The following CATSPER4 variants were observed in gnomAD, a reference collection of about 807,000 sequenced individuals.
CATSPER4 encodes the protein cation channel sperm-associated protein 4.
Under a neutral mutation model 54.4 loss-of-function variants are expected in CATSPER4, and 46 were observed. The ratio of observed to expected loss-of-function variants is 0.84; its 90% CI spans 0.67 to 1.08. The LOEUF (loss-of-function observed/expected upper bound fraction) is 1.08, where lower values mean the gene tolerates loss of function less well. Among genes scored for constraint, CATSPER4 ranks in the 50% least tolerant of loss-of-function variants. The pLI, the probability that CATSPER4 is intolerant of heterozygous loss-of-function variation, is 0.00. For synonymous variants in CATSPER4, 230 were observed against 231.9 expected, an observed-to-expected ratio of 0.99 and a Z score of 0.08; for missense variants, 574 against 612.8, an observed-to-expected ratio of 0.94 and a Z score of 0.67.
chr1:26,201,318 A>C (rs1889755), intron 8 of CATSPER4, 36 bp from the exon 9 acceptor site: 402,258 of 1,608,626 alleles, frequency 0.25, 52,819 homozygotes, highest in African/African-American at 0.38. Context: ...CCCTCCCCTG[A>C]GGCCTTCTGA....
chr1:26,192,015 T>C (rs2088874733), intron 2 of CATSPER4, among the ~76,000 whole-genome samples: 1 of 150,996 alleles, frequency 6.6e-6, no homozygotes, highest in Admixed American at 6.6e-5. Context: ...CACGTAGGAG[T>C]TGGCCAGGCA....
Position 26,193,904 on chromosome 1 carries a change from C to A in CATSPER4, c.459+16C>A. On this transcript the variant is annotated intron_variant, in intron 3 of 9. Transcript: ENST00000456354. ...TTTCTGGAAGGTGAGATCCTGAGCCCTTTGCCCCTACTTCCCCCTGGGGAC... is the reference window on the plus strand; with the variant it reads ...TTTCTGGAAGGTGAGATCCTGAGCCATTTGCCCCTACTTCCCCCTGGGGAC... 6.3e-7 allele frequency: 1 copy of A among 1,587,792 alleles called. No homozygotes were observed. The highest frequency in any genetic ancestry group is 8.7e-7 in the Non-Finnish European group (1 of 1,155,840).
intron 2 of CATSPER4, 126 bp downstream of exon 2, chr1:26,191,556 G>A (rs547813971): frequency 9.1e-7 from 1 of 1,094,966 alleles, no homozygotes; most frequent in East Asian, 2.6e-5. Context: ...GGGTCTGTCA[G>A]CTCTGACCTT....
rs917924209 is a variant in CATSPER4, at chr1:26,201,302, C to T, written c.1200-52C>T. Reference sequence around the variant, plus strand: ...TGACGCCAGGGAAGAGGTGGGAGGGCTGCTTCCCTCCCCTGAGGCCTTCTG... The same window carrying T: ...TGACGCCAGGGAAGAGGTGGGAGGGTTGCTTCCCTCCCCTGAGGCCTTCTG... On this transcript the variant is annotated intron_variant, in intron 8 of 9. Transcript: ENST00000456354. The T allele has an allele frequency of 6.3e-6, 10 of 1,575,518 alleles. No individual in the cohort carries two copies. The African/African-American group carries it at 1.1e-4, about 17-fold the overall frequency.
intron 1 of CATSPER4, among the ~76,000 whole-genome samples, 157 bp from the exon 2 acceptor site, chr1:26,191,130 T>C (rs1400006505): frequency 2.6e-5 from 4 of 152,000 alleles, no homozygotes; most frequent in Non-Finnish European, 5.9e-5. Context: ...ATTTAGATAG[T>C]GATCTCTACA....
intron 2 of CATSPER4, among the ~76,000 whole-genome samples, chr1:26,192,008 G>A (rs115927869): frequency 1.3e-5 from 2 of 151,736 alleles, no homozygotes; most frequent in East Asian, 1.9e-4. Context: ...AAAAGAGCAC[G>A]TAGGAGTTGG....
At chr1:26,191,847 G>A (rs940564548) in intron 2 of CATSPER4, among the ~76,000 whole-genome samples, 1 of 152,170 alleles carries the variant, frequency 6.6e-6, no homozygotes, top group African/African-American at 2.4e-5. Context: ...CATTACAAGT[G>A]CTCAAGTAGC....
intron 6 of CATSPER4, 34 bp downstream of exon 6, chr1:26,198,453 C>A (rs747592188): frequency 7.4e-6 from 12 of 1,613,356 alleles, no homozygotes; most frequent in East Asian, 2.2e-5. Flanking sequence ...CCTCATCCCA[C>A]CTATGGGGCA....
At chr1:26,200,707 C>G in intron 7 of CATSPER4, 123 bp from the exon 8 acceptor site, 1 of 762,476 alleles carries the variant, frequency 1.3e-6, no homozygotes, top group Non-Finnish European at 2.3e-6. Context: ...TTGGTGAGAG[C>G]TGAAATGAGG....
intron 7 of CATSPER4, among the ~76,000 whole-genome samples, chr1:26,200,355 A>G (rs1169908944): frequency 1.3e-5 from 2 of 152,204 alleles, no homozygotes; most frequent in Non-Finnish European, 2.9e-5. Context: ...TGGGAATAAT[A>G]ATAGTACTTA....
chr1:26,191,148 C>A, intron 1 of CATSPER4, 139 bp from the exon 2 acceptor site: 1 of 985,084 alleles, frequency 1.0e-6, no homozygotes, highest in Non-Finnish European at 1.6e-6. Context: ...ACACTGATGT[C>A]TCCATTCCAT....
chr1:26,201,221 A>G, intron 8 of CATSPER4, 133 bp from the exon 9 acceptor site: 1 of 1,059,834 alleles, frequency 9.4e-7, no homozygotes, highest in Non-Finnish European at 1.4e-6. Flanking sequence ...ATCTCACACA[A>G]GGGCACAGCT....
intron 3 of CATSPER4, among the ~76,000 whole-genome samples, chr1:26,195,292 G>A (rs2088923820): frequency 6.6e-6 from 1 of 152,080 alleles, no homozygotes; most frequent in Admixed American, 6.6e-5. Flanking sequence ...ACCCGAGGTT[G>A]AATAACTTAT....
rs1268072653 is a variant in CATSPER4, at chr1:26,191,325, C to T, written c.252C>T (p.Tyr84=). 6.2e-7 allele frequency: 1 copy of T among 1,614,180 alleles called. No individual in the cohort carries two copies. Among genetic ancestry groups the T allele is most frequent in the African/African-American group, 1.3e-5 (1 of 75,046 alleles). The change falls in exon 2 of 10, where the codon TAC becomes TAT. Residue 84 remains tyrosine (Y), a synonymous_variant. Transcript: ENST00000456354. ...WDMQEFITHM[Y]IKQLLRHPAF... The stretch of plus-strand genomic sequence containing the variant: ...TGCAGGAGTTCATCACTCACATGTA[C>T]ATCAAGCAGCTGCTCCGACACCCCG...
Position 26,199,967 on chromosome 1 carries a change from T to A in CATSPER4, c.896T>A (p.Ile299Asn), listed in dbSNP as rs140858384. 1,156 of 1,614,200 alleles carry A rather than the reference T, an allele frequency of 7.2e-4. No individual in the cohort carries two copies. The highest frequency in any genetic ancestry group is 9.3e-4 in the Non-Finnish European group (1,094 of 1,180,028). The change falls in exon 7 of 10, where the codon ATC becomes AAC. Residue 299 changes from isoleucine to asparagine, a missense_variant. Physicochemically the swap from Ile to Asn is moderately radical, Grantham distance 149 (BLOSUM62 -3). Transcript: ENST00000456354. ...ATCACCATCGGTGCCTTCATTGGCA[T>A]CAACCTGTTCGTCATCGTGGTGACC... ...IFITIGAFIGINLFVIVVTTN... is the reference protein window; with the variant it reads ...IFITIGAFIGNNLFVIVVTTN...
chr1:26,192,845 T>C (rs1027408304), intron 2 of CATSPER4, among the ~76,000 whole-genome samples: 5 of 151,808 alleles, frequency 3.3e-5, no homozygotes, highest in African/African-American at 1.2e-4. Flanking sequence ...TAAAGCGCAC[T>C]TTTGGGGAGG....
intron 3 of CATSPER4, among the ~76,000 whole-genome samples, chr1:26,197,393 T>C (rs1452219391): frequency 6.6e-6 from 1 of 152,246 alleles, no homozygotes; most frequent in East Asian, 1.9e-4. Context: ...GTTTTGAGCA[T>C]GCTTTAGCCA....
intron 7 of CATSPER4, 38 bp downstream of exon 7, chr1:26,200,096 G>A (rs773764230): frequency 4.6e-5 from 74 of 1,597,138 alleles, no homozygotes; most frequent in Non-Finnish European, 6.2e-5. Context: ...AGGAAAAGGA[G>A]TGTGTATGAG....
At position 26,201,372 on chromosome 1, in the gene CATSPER4, C is replaced by G. The variant is rs17163674; in HGVS notation, c.1218C>G (p.Arg406=). The change falls in exon 9 of 10, where the codon CGC becomes CGG. Residue 406 remains arginine (R), a synonymous_variant. Coordinates refer to ENST00000456354, the MANE Select transcript of CATSPER4 (RefSeq NM_198137.2). Reference sequence around the variant, plus strand: ...CCCCCAGGATTGTGGAGGAGGTGCGCGCAATCCGCTTCAACCAGGAGCAGG... The same window carrying G: ...CCCCCAGGATTGTGGAGGAGGTGCGGGCAATCCGCTTCAACCAGGAGCAGG... ...DELNMIVEEV[R]AIRFNQEQES... 7.6e-4 allele frequency: 1,227 copies of G among 1,613,974 alleles called. 1 individual carries two copies. The highest frequency in any genetic ancestry group is 9.8e-4 in the Non-Finnish European group (1,151 of 1,179,970).
Sources: gnomAD v4.1 joint callset for allele counts (sites outside exome capture counted in the v4.1 genomes callset) on GRCh38, gnomAD v4.1.1 for gene constraint, MANE v1.5 for transcripts, NCBI Gene and HGNC (gene_info 2026-07-23, HGNC 2026-07-21) for gene names.